Variants in KLF3 observed in about 807,000 individuals in gnomAD.
KLF3 encodes Krueppel-like factor 3.
Under a neutral mutation model 32.7 loss-of-function variants are expected in KLF3, and 6 were observed. The observed-to-expected ratio is 0.18, with a 90% CI of 0.10 to 0.36. The LOEUF (loss-of-function observed/expected upper bound fraction) is 0.36. Ranked by LOEUF, KLF3 falls within the 10% of genes least tolerant of loss-of-function variation. The pLI, the probability that KLF3 is intolerant of heterozygous loss-of-function variation, is 1.00. For missense variants in KLF3, 338 were observed against 449.7 expected (o/e 0.75, Z 2.25); for synonymous variants, 145 against 172.8 (o/e 0.84, Z 1.26).
At position 38,689,709 on chromosome 4, in the gene KLF3, T is replaced by C; in HGVS notation, c.545-20T>C. 6.4e-7 allele frequency: 1 copy of C among 1,556,654 alleles called. No homozygotes were observed. Among genetic ancestry groups the C allele is most frequent in the Non-Finnish European group, 8.7e-7 (1 of 1,149,662 alleles). ...TTGGTAAACTGTACGTGAAGTGACT[T>C]TTCTATTTTTATTTTTTAGTACCTG... is the stretch of plus-strand genomic sequence containing the variant. On this transcript the variant is annotated intron_variant, in intron 3 of 5. Transcript: ENST00000261438.
chr4:38,700,060 C>T lies in KLF3; in HGVS notation c.*2797C>T, dbSNP rs926390656. 1 of 151,994 alleles carries T rather than the reference C, an allele frequency of 6.6e-6. No homozygotes were observed. The highest frequency in any genetic ancestry group is 1.5e-5 in the Non-Finnish European group (1 of 68,012). 9.4% of individuals were successfully genotyped at this position (151,994 alleles called of 1,614,324 possible). On this transcript the variant is annotated 3_prime_UTR_variant, in exon 6 of 6. Transcript: ENST00000261438. ...GTTATAGAGTTTCTTCAGTTGTTACCCAAGTGTCATCCTAGAGAAGTCAGA... is the reference window on the plus strand; with the variant it reads ...GTTATAGAGTTTCTTCAGTTGTTACTCAAGTGTCATCCTAGAGAAGTCAGA...
At chr4:38,681,715 C>G (rs1408444606) in intron 2 of KLF3, among the ~76,000 whole-genome samples, 2 of 152,216 alleles carry the variant, frequency 1.3e-5, no homozygotes, top group African/African-American at 4.8e-5. Flanking sequence ...CTGTCTTGCT[C>G]TTTTCTTCCA....
chr4:38,686,460 A>AG (rs944816954), intron 2 of KLF3, among the ~76,000 whole-genome samples: 1 of 148,478 alleles, frequency 6.7e-6, no homozygotes, highest in East Asian at 1.9e-4. Flanking sequence ...AAAAAAAAAA[A>AG]AAAGAAAAGA....
chr4:38,683,768 T>C (rs993723137), intron 2 of KLF3, among the ~76,000 whole-genome samples: 2 of 152,226 alleles, frequency 1.3e-5, no homozygotes, highest in Non-Finnish European at 2.9e-5. Flanking sequence ...TGTGGAAAGA[T>C]TACTTTTGAA....
chr4:38,678,637 C>T (rs1340139982), intron 1 of KLF3, among the ~76,000 whole-genome samples: 1 of 152,188 alleles, frequency 6.6e-6, no homozygotes, highest in East Asian at 1.9e-4. Flanking sequence ...CATAGTATCA[C>T]TTCCATCATT....
In KLF3 at chr4:38,698,662, A is replaced by T. The variant is rs2109260146; in HGVS notation, c.*1399A>T. The T allele has an allele frequency of 6.6e-6, 1 of 152,448 alleles. No individual in the cohort carries two copies. Among genetic ancestry groups the T allele is most frequent in the East Asian group, 1.9e-4 (1 of 5,192 alleles). 9.4% of individuals were successfully genotyped at this position (152,448 alleles called of 1,614,324 possible). On this transcript the variant is annotated 3_prime_UTR_variant, in exon 6 of 6. Coordinates refer to ENST00000261438, the MANE Select transcript of KLF3 (RefSeq NM_016531.6). ...CTATTTCAGTGTCAGAACAAACTGA[A>T]AATAATGGCTCGTGTTTATGTTGAA...
intron 2 of KLF3, among the ~76,000 whole-genome samples, chr4:38,686,925 G>A (rs1722720253): frequency 6.6e-6 from 1 of 152,210 alleles, no homozygotes; most frequent in Non-Finnish European, 1.5e-5. Context: ...TGATTCCAAT[G>A]CATAACCAGC....
rs1170980823 is a variant in KLF3 at position 38,700,888 on chromosome 4, T to A, written c.*3625T>A. ...AAAGATGTGAATGTTTAATGTACCT[T>A]CTCTGTTTCTACTCTGTAGTCCAAT... On this transcript the variant is annotated 3_prime_UTR_variant, in exon 6 of 6. Coordinates refer to ENST00000261438, the MANE Select transcript of KLF3 (RefSeq NM_016531.6). The A allele has an allele frequency of 6.6e-6, 1 of 152,222 alleles. No homozygotes were observed. The highest frequency in any genetic ancestry group is 1.5e-5 in the Non-Finnish European group (1 of 68,026). The allele number at this position is 152,222 out of a possible 1,614,324, so 9.4% of individuals were successfully genotyped here.
chr4:38,675,094 T>C (rs1028602577), intron 1 of KLF3, among the ~76,000 whole-genome samples: 8 of 152,234 alleles, frequency 5.3e-5, no homozygotes, highest in Non-Finnish European at 8.8e-5. Flanking sequence ...ATGTCAATGA[T>C]TCACCAACCC....
At chr4:38,685,280 C>T (rs1722659065) in intron 2 of KLF3, among the ~76,000 whole-genome samples, 1 of 152,160 alleles carries the variant, frequency 6.6e-6, no homozygotes, top group South Asian at 2.1e-4. Flanking sequence ...CATGTCTTCA[C>T]CCTTTTGTGA....
rs1723121891 is a variant in KLF3, at chr4:38,698,789, G to C, written c.*1526G>C. On this transcript the variant is annotated 3_prime_UTR_variant, in exon 6 of 6. Transcript: ENST00000261438. Reference sequence around the variant, plus strand: ...TAATTCATACATAGAAATGTCATTGGTCCTGAATTTGAAGAAAGTGAGCAA... The same window carrying C: ...TAATTCATACATAGAAATGTCATTGCTCCTGAATTTGAAGAAAGTGAGCAA... The C allele has an allele frequency of 6.6e-6, 1 of 152,162 alleles. No homozygotes were observed. Among genetic ancestry groups the C allele is most frequent in the Admixed American group, 6.5e-5 (1 of 15,282 alleles). 9.4% of individuals were successfully genotyped at this position (152,162 alleles called of 1,614,324 possible). A position where few individuals can be genotyped will look rare whatever the true frequency, so the allele number is the denominator to read the frequency against.
intron 5 of KLF3, 145 bp downstream of exon 5, chr4:38,695,051 G>A: frequency 1.4e-6 from 1 of 712,824 alleles, no homozygotes; most frequent in Non-Finnish European, 2.2e-6. Context: ...TAGTTGTGCA[G>A]AATGAAGATA....
intron 5 of KLF3, 45 bp downstream of exon 5, chr4:38,694,951 A>G (rs1293012945): frequency 1.9e-6 from 3 of 1,553,810 alleles, no homozygotes; most frequent in African/African-American, 1.4e-5. Flanking sequence ...CTTAAGAAGT[A>G]TTAGAATGGA....
At chr4:38,683,263 A>G in intron 2 of KLF3, among the ~76,000 whole-genome samples, 1 of 152,256 alleles carries the variant, frequency 6.6e-6, no homozygotes, top group East Asian at 1.9e-4. Flanking sequence ...AAAATATTTT[A>G]TGGTAACTTA....
chr4:38,673,932 A>T (rs2615626), intron 1 of KLF3, among the ~76,000 whole-genome samples: 4,122 of 152,240 alleles, frequency 0.027, 63 homozygotes, highest in Middle Eastern at 0.095. Flanking sequence ...GCTTGTTAGC[A>T]GAGAGAGGAG....
intron 3 of KLF3, 61 bp downstream of exon 3, chr4:38,689,132 T>C (rs1722797862): frequency 6.3e-7 from 1 of 1,585,706 alleles, no homozygotes; most frequent in Non-Finnish European, 8.6e-7. Context: ...CTTCACCAGA[T>C]GGGGTGGGTG....
In KLF3 at chr4:38,699,490, C is replaced by G. The variant is rs1424700376; in HGVS notation, c.*2227C>G. The G allele has an allele frequency of 6.6e-6, 1 of 152,106 alleles. No individual in the cohort carries two copies. The highest frequency in any genetic ancestry group is 2.4e-5 in the African/African-American group (1 of 41,418). 9.4% of individuals were successfully genotyped at this position (152,106 alleles called of 1,614,324 possible). A position where few individuals can be genotyped will look rare whatever the true frequency, so the allele number is the denominator to read the frequency against. The stretch of plus-strand genomic sequence containing the variant: ...CCGAGGTAACCAGTTTATGTGTGTT[C>G]CAATCCATAGAGAAGTGGGGGAAAG... On this transcript the variant is annotated 3_prime_UTR_variant, in exon 6 of 6. Coordinates refer to ENST00000261438, the MANE Select transcript of KLF3 (RefSeq NM_016531.6).
intron 1 of KLF3, among the ~76,000 whole-genome samples, chr4:38,668,444 C>T (rs769108384): frequency 1.3e-5 from 2 of 151,248 alleles, no homozygotes; most frequent in Non-Finnish European, 2.9e-5. Flanking sequence ...GATAATGGTG[C>T]GTTTTAAATG....
In KLF3 at chr4:38,697,483, C is replaced by CTTTT; in HGVS notation, c.*231_*234dup. The CTTTT allele has an allele frequency of 2.9e-6, 1 of 346,324 alleles. No homozygotes were observed. The highest frequency in any genetic ancestry group is 5.1e-6 in the Non-Finnish European group (1 of 194,488). The allele number at this position is 346,324 out of a possible 1,614,324, so 21.5% of individuals were successfully genotyped here. On this transcript the variant is annotated 3_prime_UTR_variant, in exon 6 of 6. Coordinates refer to ENST00000261438, the MANE Select transcript of KLF3 (RefSeq NM_016531.6). ...GGGTCAGACCTAAAGAATGTGAACACTTTTTTTTTTTTTTCTGGGGATGCT... is the reference window on the plus strand; with the variant it reads ...GGGTCAGACCTAAAGAATGTGAACACTTTTTTTTTTTTTTTTTTCTGGGGATGCT...
Sources: allele counts gnomAD v4.1 joint callset (sites outside exome capture counted in the v4.1 genomes callset), GRCh38; gene constraint gnomAD v4.1.1; transcripts MANE v1.5; gene names NCBI Gene and HGNC (gene_info 2026-07-23, HGNC 2026-07-21).